MTMR7: variants seen among roughly 807,000 people sequenced by gnomAD.
The protein encoded by MTMR7 is myotubularin related protein 7.
A neutral mutation model predicts 81.2 loss-of-function variants in MTMR7; 76 were observed. The observed-to-expected ratio is 0.94, with a 90% CI of 0.78 to 1.13. The LOEUF (loss-of-function observed/expected upper bound fraction) is 1.13, where lower values mean the gene tolerates loss of function less well. Among genes scored for constraint, MTMR7 ranks in the 50% most tolerant of loss-of-function variants. The pLI is 0.00. For missense variants in MTMR7, 1,044 were observed against 820.0 expected, an observed-to-expected ratio of 1.27 and a Z score of -3.34; for synonymous variants, 372 against 289.8, an observed-to-expected ratio of 1.28 and a Z score of -2.88.
intron 1 of MTMR7, among the ~76,000 whole-genome samples, chr8:17,399,197 T>C (rs1416198511): frequency 6.6e-6 from 1 of 152,128 alleles, no homozygotes; most frequent in East Asian, 1.9e-4. Context: ...CAAATTATCC[T>C]TGTTTGCAGA....
chr8:17,362,704 C>A (rs1377054180), intron 3 of MTMR7, among the ~76,000 whole-genome samples: 3 of 152,164 alleles, frequency 2.0e-5, no homozygotes, highest in African/African-American at 7.2e-5. Flanking sequence ...CAATATACTT[C>A]TTTCTCATAG....
At chr8:17,344,588 G>A (rs547577604) in intron 5 of MTMR7, among the ~76,000 whole-genome samples, 2 of 152,302 alleles carry the variant, frequency 1.3e-5, no homozygotes, top group Admixed American at 6.5e-5. Context: ...TCCAGCCTGG[G>A]TGACAGAGCG....
intron 1 of MTMR7, among the ~76,000 whole-genome samples, chr8:17,400,384 A>C (rs73666138): frequency 0.014 from 2,066 of 152,298 alleles, 39 homozygotes; most frequent in African/African-American, 0.048. Context: ...GTGAGGATTC[A>C]AAACCAGGCA....
At chr8:17,371,008 A>G (rs1226160318) in intron 3 of MTMR7, 29 bp downstream of exon 3, 2 of 1,598,752 alleles carry the variant, frequency 1.3e-6, no homozygotes, top group Admixed American at 1.7e-5. Flanking sequence ...GAGAGGTTCC[A>G]TATTAAATGC....
chr8:17,324,169 G>C (rs541350856), intron 7 of MTMR7, among the ~76,000 whole-genome samples: 1 of 152,216 alleles, frequency 6.6e-6, no homozygotes, highest in South Asian at 2.1e-4. Flanking sequence ...TCTGCTCTAG[G>C]TCAAAATTGG....
chr8:17,316,089 T>C (rs2150497712), intron 7 of MTMR7, among the ~76,000 whole-genome samples: 1 of 152,318 alleles, frequency 6.6e-6, no homozygotes, highest in East Asian at 1.9e-4. Flanking sequence ...ATTGTTAATA[T>C]TCCCAAGAAC....
intron 3 of MTMR7, among the ~76,000 whole-genome samples, chr8:17,368,282 G>A (rs1199274565): frequency 1.3e-5 from 2 of 152,120 alleles, no homozygotes; most frequent in African/African-American, 2.4e-5. Flanking sequence ...TGTGCCGCCC[G>A]CTTCCTAACC....
intron 3 of MTMR7, among the ~76,000 whole-genome samples, chr8:17,367,373 G>A (rs970355464): frequency 3.3e-5 from 5 of 152,112 alleles, no homozygotes; most frequent in Non-Finnish European, 7.4e-5. Flanking sequence ...GAAGAGAGGA[G>A]AGAGGACATG....
intron 7 of MTMR7, among the ~76,000 whole-genome samples, chr8:17,327,429 C>A (rs1022843760): frequency 7.9e-5 from 11 of 139,430 alleles, no homozygotes; most frequent in African/African-American, 3.1e-4. Context: ...CACCACCACG[C>A]CTGGTTGATT....
At chr8:17,301,251 G>T (rs1464660086) in intron 13 of MTMR7, among the ~76,000 whole-genome samples, 1 of 152,190 alleles carries the variant, frequency 6.6e-6, no homozygotes, top group African/African-American at 2.4e-5. Context: ...TTCATGCAAT[G>T]TAAGAATTTC....
intron 1 of MTMR7, among the ~76,000 whole-genome samples, chr8:17,405,257 A>C (rs1270263818): frequency 6.6e-6 from 1 of 152,222 alleles, no homozygotes; most frequent in African/African-American, 2.4e-5. Flanking sequence ...ACCTGCTTAC[A>C]ACCTAACAAG....
At chr8:17,320,151 ACATAT>A (rs1189148257) in intron 7 of MTMR7, among the ~76,000 whole-genome samples, 1 of 152,002 alleles carries the variant, frequency 6.6e-6, no homozygotes, top group Non-Finnish European at 1.5e-5. Context: ...TATTTACATA[ACATAT>A]GAGATTTTCT....
intron 4 of MTMR7, among the ~76,000 whole-genome samples, chr8:17,356,544 C>CTAA (rs370497517): frequency 5.9e-5 from 9 of 151,654 alleles, no homozygotes; most frequent in Non-Finnish European, 1.0e-4. Flanking sequence ...ACTACTACTA[C>CTAA]TAATAATAAT....
chr8:17,405,747 T>C (rs930621538), intron 1 of MTMR7, among the ~76,000 whole-genome samples: 6 of 150,768 alleles, frequency 4.0e-5, no homozygotes, highest in Admixed American at 4.0e-4. Context: ...ACTATGTGGT[T>C]AAAAAAAAAA....
intron 1 of MTMR7, among the ~76,000 whole-genome samples, chr8:17,388,321 GA>G (rs1364595442): frequency 6.6e-6 from 1 of 151,930 alleles, no homozygotes; most frequent in African/African-American, 2.4e-5. Context: ...AGGAAAAGAA[GA>G]AAAAAGAGGT....
chr8:17,379,726 T>C (rs926449269), intron 1 of MTMR7, among the ~76,000 whole-genome samples: 26 of 152,228 alleles, frequency 1.7e-4, no homozygotes, highest in African/African-American at 5.3e-4. Context: ...ACACAAGCAC[T>C]GTTAGTCTTT....
chr8:17,396,967 C>T (rs976584389), intron 1 of MTMR7, among the ~76,000 whole-genome samples: 1 of 151,962 alleles, frequency 6.6e-6, no homozygotes, highest in African/African-American at 2.4e-5. Context: ...CTAGACACAC[C>T]TTGGGACAGA....
At position 17,304,437 on chromosome 8, in the gene MTMR7, G is replaced by A; in HGVS notation, c.1435C>T (p.His479Tyr). Residue 479 changes from histidine to tyrosine, a missense_variant, in exon 12 of 14, where the codon CAC (histidine) becomes TAC (tyrosine). Transcript: ENST00000180173. ...TGAAGGGTTCCCTGAGTCTGGCTGT[G>A]ATCAGCTCTAAACAGAGGATTCAGG... ...DYLNPLFRAD[H>Y]SQTQGTLHLP... 6.2e-7 allele frequency: 1 copy of A among 1,614,100 alleles called. No homozygotes were observed. Among genetic ancestry groups the A allele is most frequent in the Non-Finnish European group, 8.5e-7 (1 of 1,179,972 alleles).
intron 1 of MTMR7, among the ~76,000 whole-genome samples, chr8:17,390,731 C>T (rs568657211): frequency 1.9e-4 from 29 of 152,292 alleles, no homozygotes; most frequent in African/African-American, 6.3e-4. Context: ...GCAAACACAT[C>T]GTTCTTCACA....
Sources: gnomAD v4.1 joint callset for allele counts (sites outside exome capture counted in the v4.1 genomes callset) on GRCh38, gnomAD v4.1.1 for gene constraint, MANE v1.5 for transcripts, NCBI Gene and HGNC (gene_info 2026-07-23, HGNC 2026-07-21) for gene names.